Variants in SPAG17 observed in about 807,000 individuals in gnomAD.
SPAG17 encodes sperm associated antigen 17.
SPAG17 carries 169 observed loss-of-function variants against 273.6 expected under a neutral mutation model. That is an observed-to-expected ratio of 0.62 (90% CI 0.55 to 0.70). The LOEUF is 0.70. SPAG17 is among the 30% of genes least tolerant of loss of function. The probability of loss-of-function intolerance (pLI) is 0.00; values close to 1 mark genes in which losing one functional copy is unlikely to be tolerated. For synonymous variants in SPAG17, 825 were observed against 873.2 expected, an observed-to-expected ratio of 0.94 and a Z score of 0.97; for missense variants, 2,557 against 2,627.8, an observed-to-expected ratio of 0.97 and a Z score of 0.59.
intron 4 of SPAG17, among the ~76,000 whole-genome samples, chr1:118,111,904 T>C (rs1656784676): frequency 6.6e-6 from 1 of 152,164 alleles, no homozygotes; most frequent in African/African-American, 2.4e-5. Context: ...AAAGAACTAA[T>C]TTTTTATAGA....
intron 1 of SPAG17, among the ~76,000 whole-genome samples, chr1:118,166,422 T>A (rs1660172993): frequency 1.3e-5 from 2 of 152,222 alleles, no homozygotes. Flanking sequence ...GGCACTTCTC[T>A]GGACAGAGAA....
intron 3 of SPAG17, among the ~76,000 whole-genome samples, chr1:118,136,791 G>T (rs556308967): frequency 8.1e-6 from 1 of 122,876 alleles, no homozygotes; most frequent in Admixed American, 9.3e-5. Flanking sequence ...GGTAAAGTGT[G>T]TGTGTGTGTA....
At position 117,996,581 on chromosome 1, in the gene SPAG17, T is replaced by C. The variant is rs1032086977; in HGVS notation, c.4922+17A>G. On this transcript the variant is annotated intron_variant, in intron 33 of 48. Transcript: ENST00000336338. Reference sequence around the variant, plus strand: ...GAACTCAGAATTAAAAGTAAAATTATAGTATTATTCTTTTACCTGGGGACA... The same window carrying C: ...GAACTCAGAATTAAAAGTAAAATTACAGTATTATTCTTTTACCTGGGGACA... 5 of 1,604,382 alleles carry C rather than the reference T, an allele frequency of 3.1e-6. No individual in the cohort carries two copies. Among genetic ancestry groups the C allele is most frequent in the East Asian group, 2.2e-5 (1 of 44,754 alleles).
intron 28 of SPAG17, among the ~76,000 whole-genome samples, chr1:118,019,532 G>A (rs1023703337): frequency 6.6e-6 from 1 of 151,740 alleles, no homozygotes; most frequent in Non-Finnish European, 1.5e-5. Context: ...AAGCAGAGAA[G>A]AAAAAAGAAA....
chr1:118,052,178 A>G (rs1468610097), intron 20 of SPAG17, among the ~76,000 whole-genome samples: 3 of 147,690 alleles, frequency 2.0e-5, no homozygotes, highest in Non-Finnish European at 3.0e-5. Flanking sequence ...ACTATTATAT[A>G]TATAATAAAC....
chr1:118,175,977 T>TG (rs1301252922), intron 1 of SPAG17, among the ~76,000 whole-genome samples: 2 of 152,036 alleles, frequency 1.3e-5, no homozygotes, highest in Admixed American at 6.6e-5. Context: ...AAAGTCAAAA[T>TG]GGGGGGTGAG....
intron 3 of SPAG17, among the ~76,000 whole-genome samples, chr1:118,119,392 C>T (rs2102267899): frequency 6.6e-6 from 1 of 152,250 alleles, no homozygotes; most frequent in Non-Finnish European, 1.5e-5. Flanking sequence ...AAAGGGCAAG[C>T]TGTGGTTGTG....
chr1:118,074,376 C>A (rs1171632333), intron 16 of SPAG17, among the ~76,000 whole-genome samples, 163 bp downstream of exon 16: 1 of 152,176 alleles, frequency 6.6e-6, no homozygotes, highest in Non-Finnish European at 1.5e-5. Context: ...TCCTTTCTGT[C>A]CAGTTGGAGC....
At position 117,954,041 on chromosome 1, in the gene SPAG17, G is replaced by A. The variant is rs772217516; in HGVS notation, c.*9C>T. The A allele has an allele frequency of 4.3e-6, 7 of 1,612,150 alleles. No homozygotes were observed. Among genetic ancestry groups the A allele is most frequent in the Non-Finnish European group, 5.9e-6 (7 of 1,178,854 alleles). On this transcript the variant is annotated 3_prime_UTR_variant, in exon 49 of 49. Coordinates refer to ENST00000336338, the MANE Select transcript of SPAG17 (RefSeq NM_206996.4). Reference sequence around the variant, plus strand: ...ATTATGGAGGCTATTGAGTTGTACCGAGAAGAAACTGCAAAAATGAAGGAA... The same window carrying A: ...ATTATGGAGGCTATTGAGTTGTACCAAGAAGAAACTGCAAAAATGAAGGAA...
At chr1:118,170,252 G>A (rs951349373) in intron 1 of SPAG17, among the ~76,000 whole-genome samples, 7 of 152,148 alleles carry the variant, frequency 4.6e-5, no homozygotes, top group Non-Finnish European at 1.0e-4. Context: ...TATAAGAAGA[G>A]TAAGATGTGA....
chr1:118,055,876 C>T lies in SPAG17; in HGVS notation c.2579G>A (p.Trp860Ter). ...ATATATAGCTTCTTCTTTTGTAATC[C>T]AATCTTGAATAGATTTTGCAACAAG... ...LELVAKSIQDWITKEEAIYQE... is the reference protein window; with the variant it reads ...LELVAKSIQD The change falls in exon 19 of 49, where the codon TGG (tryptophan) becomes TAG (stop). Residue 860 changes from tryptophan (W) to a stop codon, truncating the protein, a stop_gained. Transcript: ENST00000336338. LOFTEE classifies it high-confidence loss of function. 6.2e-7 allele frequency: 1 copy of T among 1,610,032 alleles called. No individual in the cohort carries two copies.
In SPAG17 at chr1:118,097,690, AG is replaced by A. The variant is rs758434159; in HGVS notation, c.990del (p.Trp331GlyfsTer6). 3 of 1,602,850 alleles carry A rather than the reference AG, an allele frequency of 1.9e-6. No homozygotes were observed. Among genetic ancestry groups the A allele is most frequent in the Non-Finnish European group, 2.6e-6 (3 of 1,176,272 alleles). On this transcript the variant is annotated frameshift_variant, in exon 7 of 49. Coordinates refer to ENST00000336338, the MANE Select transcript of SPAG17 (RefSeq NM_206996.4). LOFTEE classifies it high-confidence loss of function. ...CTAACCATCATCTCACCATCTGACCAGTCAGAAGGAAAATCAGCTGCTTTGA... is the reference window on the plus strand; with the variant it reads ...CTAACCATCATCTCACCATCTGACCATCAGAAGGAAAATCAGCTGCTTTGA... Reference protein sequence around the residue: ...YMVKAADFPSDWSDGEMMLKL... With the variant: ...YMVKAADFPSXWSDGEMMLKL...
chr1:117,970,227 C>G, intron 45 of SPAG17, 111 bp from the exon 46 acceptor site: 2 of 1,007,314 alleles, frequency 2.0e-6, no homozygotes, highest in Non-Finnish European at 2.9e-6. Flanking sequence ...TACACAGGAG[C>G]CGGGGGTCCA....
At chr1:118,023,997 T>C (rs1647418247) in intron 27 of SPAG17, among the ~76,000 whole-genome samples, 1 of 152,162 alleles carries the variant, frequency 6.6e-6, no homozygotes, top group Non-Finnish European at 1.5e-5. Context: ...CAAATGTCTA[T>C]CTGGTTTTTA....
At chr1:118,134,297 T>A (rs1162886818) in intron 3 of SPAG17, among the ~76,000 whole-genome samples, 1 of 152,224 alleles carries the variant, frequency 6.6e-6, no homozygotes, top group Non-Finnish European at 1.5e-5. Flanking sequence ...AGAAAAATGC[T>A]AACATCACAG....
At chr1:117,991,962 ATAAC>A (rs1657145099) in intron 36 of SPAG17, among the ~76,000 whole-genome samples, 1 of 152,204 alleles carries the variant, frequency 6.6e-6, no homozygotes, top group African/African-American at 2.4e-5. Context: ...ATCAATTTCT[ATAAC>A]TAATAATACC....
Position 118,006,730 on chromosome 1 carries a change from G to C in SPAG17, c.4588-1128C>G, listed in dbSNP as rs532885638. On this transcript the variant is annotated intron_variant, in intron 31 of 48. Transcript: ENST00000336338. ...CTTTCCAAAGTGACTTATACCATCAGCAATTTCTGAGGGTTCCAATTTCTC... is the reference window on the plus strand; with the variant it reads ...CTTTCCAAAGTGACTTATACCATCACCAATTTCTGAGGGTTCCAATTTCTC... Among the ~76,000 whole-genome samples, 10 of 152,264 alleles carry C rather than the reference G, an allele frequency of 6.6e-5. No homozygotes were observed. The South Asian group carries it at 1.9e-3, about 28-fold the overall frequency.
Position 118,086,030 on chromosome 1 carries a change from G to C in SPAG17, c.1654C>G (p.Gln552Glu). 1 of 1,613,738 alleles carries C rather than the reference G, an allele frequency of 6.2e-7. No individual in the cohort carries two copies. The highest frequency in any genetic ancestry group is 8.5e-7 in the Non-Finnish European group (1 of 1,179,896). Reference protein sequence around the residue: ...FDPVQIEQEMQSKLPLWEFLQ... With the variant: ...FDPVQIEQEMESKLPLWEFLQ... Reference sequence around the variant, plus strand: ...AATTCCCACAGTGGCAACTTGGACTGCATCTCCTGCTCAATTTGAACTGGA... The same window carrying C: ...AATTCCCACAGTGGCAACTTGGACTCCATCTCCTGCTCAATTTGAACTGGA... The change falls in exon 13 of 49, where the codon CAG becomes GAG. Residue 552 changes from glutamine to glutamate, a missense_variant. By Grantham distance (29) the Gln-to-Glu change is conservative. Transcript: ENST00000336338.
At chr1:118,178,965 A>G (rs1161273194) in intron 1 of SPAG17, among the ~76,000 whole-genome samples, 2 of 152,042 alleles carry the variant, frequency 1.3e-5, no homozygotes, top group Non-Finnish European at 2.9e-5. Context: ...ATATACACCA[A>G]AAAGAAAAGA....
Sources: allele counts gnomAD v4.1 joint callset (sites outside exome capture counted in the v4.1 genomes callset), GRCh38; gene constraint gnomAD v4.1.1; transcripts MANE v1.5; gene names NCBI Gene and HGNC (gene_info 2026-07-23, HGNC 2026-07-21).